The following MORC3 variants were observed in gnomAD, a reference collection of about 807,000 sequenced individuals.
The protein encoded by MORC3 is MORC family CW-type zinc finger protein 3.
A neutral mutation model predicts 109.1 loss-of-function variants in MORC3; 31 were observed. The observed-to-expected ratio is 0.28, with a 90% CI of 0.21 to 0.38. The LOEUF (loss-of-function observed/expected upper bound fraction) is 0.38. Among genes scored for constraint, MORC3 ranks in the 10% least tolerant of loss-of-function variants. The pLI is 1.00. For missense variants in MORC3, 867 were observed against 1,135.8 expected (o/e 0.76, Z 3.40); for synonymous variants, 395 against 380.7 (o/e 1.04, Z -0.44).
intron 13 of MORC3, 21 bp downstream of exon 13, chr21:36,362,249 T>TC (rs779037514): frequency 1.9e-6 from 3 of 1,593,718 alleles, no homozygotes; most frequent in East Asian, 4.5e-5. Flanking sequence ...CTTCTTTTTT[T>TC]TTTTTTTTTT....
At chr21:36,340,601 C>CT (rs1320215187) in intron 5 of MORC3, among the ~76,000 whole-genome samples, 140 of 141,180 alleles carry the variant, frequency 9.9e-4, no homozygotes, top group African/African-American at 2.6e-3. Flanking sequence ...TTTCCTTTTT[C>CT]TTTTTTTTTT....
chr21:36,372,866 A>G (rs989380053), intron 16 of MORC3, among the ~76,000 whole-genome samples: 1 of 152,218 alleles, frequency 6.6e-6, no homozygotes, highest in African/African-American at 2.4e-5. Flanking sequence ...AGTAGAAGAC[A>G]GGAGACTTTT....
At chr21:36,351,177 C>T (rs1031840389) in intron 9 of MORC3, among the ~76,000 whole-genome samples, 3 of 145,114 alleles carry the variant, frequency 2.1e-5, no homozygotes, top group Non-Finnish European at 3.0e-5. Flanking sequence ...AAGTGATTCT[C>T]CTGCCTCAGC....
At chr21:36,324,122 G>A (rs192782385) in intron 1 of MORC3, among the ~76,000 whole-genome samples, 36 of 152,178 alleles carry the variant, frequency 2.4e-4, no homozygotes, top group African/African-American at 7.2e-4. Flanking sequence ...TAATCTGCCC[G>A]CCCTGGCCTC....
chr21:36,320,377 G>A, intron 1 of MORC3, 74 bp downstream of exon 1: 1 of 1,261,656 alleles, frequency 7.9e-7, no homozygotes. Flanking sequence ...GGCCGGCAGT[G>A]GGCGGTGGCG....
chr21:36,354,505 A>C (rs2085622260), intron 9 of MORC3, among the ~76,000 whole-genome samples: 1 of 149,200 alleles, frequency 6.7e-6, no homozygotes, highest in Non-Finnish European at 1.5e-5. Flanking sequence ...GGGTTTCCCC[A>C]TATTGGCCAG....
intron 4 of MORC3, among the ~76,000 whole-genome samples, chr21:36,338,334 A>T (rs1476493139): frequency 6.6e-6 from 1 of 152,218 alleles, no homozygotes; most frequent in Non-Finnish European, 1.5e-5. Context: ...GTTAGGAATA[A>T]TAATCTGCTT....
chr21:36,333,760 T>C lies in MORC3; in HGVS notation c.112+42T>C, dbSNP rs764881293. On this transcript the variant is annotated intron_variant, in intron 2 of 16. Coordinates refer to ENST00000400485, the MANE Select transcript of MORC3 (RefSeq NM_015358.3). ...TTCATATACCATTTGTTGCTTACAATTGTAGTGTTTTTTTTTTTGTTTTGT... is the reference window on the plus strand; with the variant it reads ...TTCATATACCATTTGTTGCTTACAACTGTAGTGTTTTTTTTTTTGTTTTGT... 4.2e-6 allele frequency: 6 copies of C among 1,426,082 alleles called. No homozygotes were observed. In the Admixed American group the frequency reaches 6.3e-5, roughly 15 times the overall value. 88.3% of individuals were successfully genotyped at this position (1,426,082 alleles called of 1,614,324 possible).
intron 9 of MORC3, among the ~76,000 whole-genome samples, chr21:36,349,980 GC>G (rs1443026289): frequency 1.3e-5 from 2 of 152,148 alleles, no homozygotes; most frequent in African/African-American, 4.8e-5. Context: ...TGGATTTGGA[GC>G]CTAGAGACAA....
intron 13 of MORC3, among the ~76,000 whole-genome samples, chr21:36,363,421 CAAA>C (rs1035804412): frequency 6.6e-6 from 1 of 152,014 alleles, no homozygotes; most frequent in African/African-American, 2.4e-5. Flanking sequence ...CTCAAAAAAA[CAAA>C]AAACAAACAA....
At chr21:36,349,506 T>C (rs2085547955) in intron 9 of MORC3, 98 bp downstream of exon 9, 1 of 721,774 alleles carries the variant, frequency 1.4e-6, no homozygotes, top group Non-Finnish European at 2.1e-6. Flanking sequence ...AGAAATACCT[T>C]ATTAGTAAAG....
In MORC3 at chr21:36,355,068, A is replaced by G. The variant is rs575789366; in HGVS notation, c.1104-1552A>G. ...TGATTTCTTTCACAGCTTTTTCTGTACTTAATAATGGCATCGTTATTCTAG... is the reference window on the plus strand; with the variant it reads ...TGATTTCTTTCACAGCTTTTTCTGTGCTTAATAATGGCATCGTTATTCTAG... On this transcript the variant is annotated intron_variant, in intron 9 of 16. Transcript: ENST00000400485. Among the ~76,000 whole-genome samples the G allele has an allele frequency of 2.2e-4, 34 of 152,316 alleles. No individual in the cohort carries two copies. In the South Asian group the frequency reaches 4.1e-3, roughly 19 times the overall value.
chr21:36,345,195 A>ACCTCC, intron 8 of MORC3, among the ~76,000 whole-genome samples, 164 bp downstream of exon 8: 1 of 150,906 alleles, frequency 6.6e-6, no homozygotes, highest in African/African-American at 2.4e-5. Flanking sequence ...AACTTTTATT[A>ACCTCC]ACTCCCCTCC....
At chr21:36,363,715 G>C (rs2085745977) in intron 13 of MORC3, among the ~76,000 whole-genome samples, 1 of 152,196 alleles carries the variant, frequency 6.6e-6, no homozygotes, top group Admixed American at 6.5e-5. Flanking sequence ...TAAATCAGGG[G>C]CCATCTGAAT....
At chr21:36,352,224 A>G (rs2085580488) in intron 9 of MORC3, among the ~76,000 whole-genome samples, 1 of 152,180 alleles carries the variant, frequency 6.6e-6, no homozygotes, top group Non-Finnish European at 1.5e-5. Flanking sequence ...ACACCTACAA[A>G]AACTGTGAAT....
rs1247167173 is a variant in MORC3, at chr21:36,376,309, A to G, written c.*1013A>G. Reference sequence around the variant, plus strand: ...GATGGCTTTCTATTAAGTATAAACTATGTATATATAAGAACCATATTTTCC... The same window carrying G: ...GATGGCTTTCTATTAAGTATAAACTGTGTATATATAAGAACCATATTTTCC... On this transcript the variant is annotated 3_prime_UTR_variant, in exon 17 of 17. Coordinates refer to ENST00000400485, the MANE Select transcript of MORC3 (RefSeq NM_015358.3). 2.6e-5 allele frequency: 4 copies of G among 152,652 alleles called. No homozygotes were observed. Among genetic ancestry groups the G allele is most frequent in the East Asian group, 3.8e-4 (2 of 5,204 alleles). The allele number at this position is 152,652 out of a possible 1,614,324, so 9.5% of individuals were successfully genotyped here.
intron 9 of MORC3, among the ~76,000 whole-genome samples, chr21:36,350,930 C>A (rs748841183): frequency 3.9e-5 from 6 of 152,016 alleles, no homozygotes; most frequent in Non-Finnish European, 8.8e-5. Flanking sequence ...ATGATCAAGT[C>A]AGGGTTATTG....
At chr21:36,366,751 G>A (rs933457497) in intron 14 of MORC3, among the ~76,000 whole-genome samples, 2 of 152,080 alleles carry the variant, frequency 1.3e-5, no homozygotes, top group African/African-American at 4.8e-5. Flanking sequence ...CACTTTGCCC[G>A]GCCTATTAAA....
At chr21:36,350,558 A>T (rs532740940) in intron 9 of MORC3, among the ~76,000 whole-genome samples, 2 of 152,158 alleles carry the variant, frequency 1.3e-5, no homozygotes, top group Admixed American at 6.6e-5. Context: ...AAAAAAAAAA[A>T]AAAATTTCGG....
Sources: allele counts gnomAD v4.1 joint callset (sites outside exome capture counted in the v4.1 genomes callset), GRCh38; gene constraint gnomAD v4.1.1; transcripts MANE v1.5; gene names NCBI Gene and HGNC (gene_info 2026-07-23, HGNC 2026-07-21).